DNAJC15: variants seen among roughly 807,000 people sequenced by gnomAD.
DNAJC15 encodes DnaJ heat shock protein family (Hsp40) member C15, also known as dnaJ homolog subfamily C member 15.
DNAJC15 carries 27 observed loss-of-function variants against 22.4 expected under a neutral mutation model. That is an observed-to-expected ratio of 1.20 (90% CI 0.89 to 1.66). The LOEUF is 1.66. Ranked by LOEUF, DNAJC15 falls within the 40% of genes most tolerant of loss-of-function variation. DNAJC15 has a pLI of 0.00. For missense variants in DNAJC15, 208 were observed against 187.1 expected (o/e 1.11, Z -0.65); for synonymous variants, 79 against 63.2 (o/e 1.25, Z -1.19).
intron 4 of DNAJC15, among the ~76,000 whole-genome samples, chr13:43,085,471 C>T (rs1209845186): frequency 9.9e-5 from 15 of 152,128 alleles, no homozygotes; most frequent in Non-Finnish European, 8.8e-5. Flanking sequence ...CATAAGTTTT[C>T]AAACTTACAG....
intron 4 of DNAJC15, among the ~76,000 whole-genome samples, chr13:43,084,013 A>G (rs2040675863): frequency 6.6e-6 from 1 of 152,220 alleles, no homozygotes; most frequent in South Asian, 2.1e-4. Context: ...GATCAGAGGT[A>G]GCAAGTAACT....
chr13:43,105,552 C>G (rs74062314), intron 5 of DNAJC15, among the ~76,000 whole-genome samples: 3 of 152,052 alleles, frequency 2.0e-5, no homozygotes, highest in African/African-American at 7.2e-5. Context: ...AATAAATTGT[C>G]ATGTCATTTT....
At chr13:43,027,329 C>T (rs2153439298) in intron 1 of DNAJC15, among the ~76,000 whole-genome samples, 1 of 152,266 alleles carries the variant, frequency 6.6e-6, no homozygotes, top group South Asian at 2.1e-4. Flanking sequence ...TGGTTTGCTG[C>T]ACAGATTGTC....
At chr13:43,051,338 G>A (rs2040501970) in intron 1 of DNAJC15, among the ~76,000 whole-genome samples, 1 of 152,066 alleles carries the variant, frequency 6.6e-6, no homozygotes, top group Non-Finnish European at 1.5e-5. Flanking sequence ...ACATGGATAA[G>A]TTCTTTAGTG....
intron 3 of DNAJC15, among the ~76,000 whole-genome samples, chr13:43,073,209 A>G (rs1440525214): frequency 1.3e-5 from 2 of 152,240 alleles, no homozygotes; most frequent in East Asian, 3.8e-4. Flanking sequence ...ATTGAATGAC[A>G]GTGTTGACAG....
Position 43,023,633 on chromosome 13 carries a change from G to C in DNAJC15, c.7G>C (p.Ala3Pro). 10 of 1,610,478 alleles carry C rather than the reference G, an allele frequency of 6.2e-6. No homozygotes were observed. The highest frequency in any genetic ancestry group is 8.5e-6 in the Non-Finnish European group (10 of 1,178,536). ...GTCTCCGGGCCGCCTTGCCATGGCT[G>C]CCCGTGGTGTCATCGCTCCAGTTGG... Reference protein sequence around the residue: MAARGVIAPVGES... With the variant: MAPRGVIAPVGES... The change falls in exon 1 of 6, where the codon GCC becomes CCC. Residue 3 changes from alanine to proline, a missense_variant. Physicochemically the swap from Ala to Pro is conservative, Grantham distance 27. Coordinates refer to ENST00000379221, the MANE Select transcript of DNAJC15 (RefSeq NM_013238.3).
chr13:43,097,677 C>CCT (rs2040746517), intron 5 of DNAJC15, among the ~76,000 whole-genome samples: 1 of 152,128 alleles, frequency 6.6e-6, no homozygotes, highest in Non-Finnish European at 1.5e-5. Context: ...GTGGCTCATT[C>CCT]CTGTAATCCC....
intron 1 of DNAJC15, among the ~76,000 whole-genome samples, chr13:43,031,544 G>A (rs1002352098): frequency 9.2e-5 from 14 of 152,242 alleles, no homozygotes; most frequent in African/African-American, 3.4e-4. Flanking sequence ...TGGGAGTGTA[G>A]AGGAGGAGAT....
intron 1 of DNAJC15, among the ~76,000 whole-genome samples, chr13:43,028,342 T>TTCATGAG: frequency 6.6e-6 from 1 of 152,342 alleles, no homozygotes; most frequent in Admixed American, 6.5e-5. Flanking sequence ...CACCATTCAG[T>TTCATGAG]TCATGAGTCA....
chr13:43,031,817 T>A (rs2040405217), intron 1 of DNAJC15, among the ~76,000 whole-genome samples: 1 of 152,232 alleles, frequency 6.6e-6, no homozygotes, highest in Non-Finnish European at 1.5e-5. Context: ...GAATATTCTC[T>A]TTGTTTCTCT....
chr13:43,063,464 T>C lies in DNAJC15; in HGVS notation c.109-2222T>C, dbSNP rs9590738. Among the ~76,000 whole-genome samples, 977 of 152,316 alleles carry C rather than the reference T, an allele frequency of 6.4e-3. 4 individuals are homozygous for C. Among genetic ancestry groups the C allele is most frequent in the African/African-American group, 0.022 (917 of 41,564 alleles). On this transcript the variant is annotated intron_variant, in intron 1 of 5. Transcript: ENST00000379221. ...GCTATACTGTTGGGATGCATCACTG[T>C]ACAAAACAAGTTCCACAAAGGCCAC...
At chr13:43,104,397 G>C (rs773281797) in intron 5 of DNAJC15, among the ~76,000 whole-genome samples, 1 of 152,132 alleles carries the variant, frequency 6.6e-6, no homozygotes, top group Non-Finnish European at 1.5e-5. Flanking sequence ...CAGGATCTTG[G>C]CCCTCAAGAC....
In DNAJC15 at chr13:43,097,008, A is replaced by T. The variant is rs931171508; in HGVS notation, c.383-10170A>T. Among the ~76,000 whole-genome samples, 2 of 152,224 alleles carry T rather than the reference A, an allele frequency of 1.3e-5. 1 individual carries two copies. Among genetic ancestry groups the T allele is most frequent in the South Asian group, 4.1e-4 (2 of 4,834 alleles). ...TAACCACCCTACCAATCCACAGAAA[A>T]GTGAGAAATAAAAAGAACATTGTTG... On this transcript the variant is annotated intron_variant, in intron 5 of 5. Coordinates refer to ENST00000379221, the MANE Select transcript of DNAJC15 (RefSeq NM_013238.3).
chr13:43,109,563 TC>T lies in DNAJC15; in HGVS notation c.*2318del, dbSNP rs1208188522. 2 of 152,210 alleles carry T rather than the reference TC, an allele frequency of 1.3e-5. No homozygotes were observed. The highest frequency in any genetic ancestry group is 1.5e-5 in the Non-Finnish European group (1 of 68,022). 9.4% of individuals were successfully genotyped at this position (152,210 alleles called of 1,614,324 possible). ...AGCATTAGCTTGGAATTTCCTTATT[TC>T]CCATTTGCTTTGCAGGTGCCTTGGA... is the stretch of plus-strand genomic sequence containing the variant. On this transcript the variant is annotated 3_prime_UTR_variant, in exon 6 of 6. Coordinates refer to ENST00000379221, the MANE Select transcript of DNAJC15 (RefSeq NM_013238.3).
At chr13:43,052,507 T>C (rs1035371916) in intron 1 of DNAJC15, among the ~76,000 whole-genome samples, 3 of 151,932 alleles carry the variant, frequency 2.0e-5, no homozygotes. Context: ...AACCTCCACC[T>C]CCTGGGTTCA....
intron 5 of DNAJC15, among the ~76,000 whole-genome samples, chr13:43,098,077 A>C (rs191725618): frequency 6.6e-6 from 1 of 152,216 alleles, no homozygotes. Flanking sequence ...AAAATTTGCT[A>C]TACTGAGAAA....
At chr13:43,038,090 A>G (rs910233466) in intron 1 of DNAJC15, among the ~76,000 whole-genome samples, 1 of 152,212 alleles carries the variant, frequency 6.6e-6, no homozygotes, top group African/African-American at 2.4e-5. Flanking sequence ...TGTATTACAA[A>G]TAAAACACAG....
chr13:43,024,108 G>T (rs906300052), intron 1 of DNAJC15, among the ~76,000 whole-genome samples: 5 of 152,170 alleles, frequency 3.3e-5, no homozygotes, highest in African/African-American at 1.2e-4. Flanking sequence ...GAAAGCTGTA[G>T]TTAAAAATTA....
chr13:43,033,551 G>A (rs1009599480), intron 1 of DNAJC15, among the ~76,000 whole-genome samples: 7 of 152,162 alleles, frequency 4.6e-5, no homozygotes, highest in South Asian at 2.1e-4. Flanking sequence ...TTTAGTTTTC[G>A]TGTCTGTTTT....
Sources: allele counts gnomAD v4.1 joint callset (sites outside exome capture counted in the v4.1 genomes callset), GRCh38; gene constraint gnomAD v4.1.1; transcripts MANE v1.5; gene names NCBI Gene and HGNC (gene_info 2026-07-23, HGNC 2026-07-21).